The following SMPD3 variants were observed in gnomAD, a reference collection of about 807,000 sequenced individuals.
The protein encoded by SMPD3 is nSMase-2.
Under a neutral mutation model 55.7 loss-of-function variants are expected in SMPD3, and 21 were observed. That is an observed-to-expected ratio of 0.38 (90% confidence interval 0.27 to 0.54). The LOEUF is 0.54. Ranked by LOEUF, SMPD3 falls within the 20% of genes least tolerant of loss-of-function variation. The pLI is 0.80. For missense variants in SMPD3, 842 were observed against 899.6 expected, an observed-to-expected ratio of 0.94 and a Z score of 0.82; for synonymous variants, 457 against 404.3, an observed-to-expected ratio of 1.13 and a Z score of -1.56.
At chr16:68,393,587 A>G (rs1329413534) in intron 1 of SMPD3, among the ~76,000 whole-genome samples, 2 of 152,214 alleles carry the variant, frequency 1.3e-5, no homozygotes, top group African/African-American at 2.4e-5. Flanking sequence ...TTGGATCTTC[A>G]GACCCAGAAC....
At position 68,438,183 on chromosome 16, in the gene SMPD3, C is replaced by T. The variant is rs188422968; in HGVS notation, c.-269+10170G>A. On this transcript the variant is annotated intron_variant, in intron 1 of 8. Transcript: ENST00000219334. Reference sequence around the variant, plus strand: ...CCTCACAGAGAAAGCCTCTCCTAAGCTTTGTGCTTGGGTTTGGGCACTGCA... The same window carrying T: ...CCTCACAGAGAAAGCCTCTCCTAAGTTTTGTGCTTGGGTTTGGGCACTGCA... Among the ~76,000 whole-genome samples, 271 of 152,306 alleles carry T rather than the reference C, an allele frequency of 1.8e-3. 2 individuals are homozygous for T. The highest frequency in any genetic ancestry group is 2.1e-3 in the East Asian group (11 of 5,178).
intron 1 of SMPD3, among the ~76,000 whole-genome samples, chr16:68,412,834 T>C (rs2056054183): frequency 6.6e-6 from 1 of 152,178 alleles, no homozygotes; most frequent in Non-Finnish European, 1.5e-5. Flanking sequence ...CAGGGTAGTG[T>C]ATGGTAGATG....
intron 8 of SMPD3, 55 bp downstream of exon 8, chr16:68,361,548 C>G (rs1597579333): frequency 6.3e-7 from 1 of 1,592,480 alleles, no homozygotes; most frequent in Non-Finnish European, 8.5e-7. Flanking sequence ...AGCTGCAGGG[C>G]CCGGGCCCTG....
chr16:68,400,356 C>T (rs995135992), intron 1 of SMPD3, among the ~76,000 whole-genome samples: 7 of 152,190 alleles, frequency 4.6e-5, no homozygotes, highest in Admixed American at 1.3e-4. Context: ...TAATTTTAAA[C>T]GATAATTATG....
In SMPD3 at chr16:68,358,787, G is replaced by C. The variant is rs535020538; in HGVS notation, c.*2419C>G. The C allele has an allele frequency of 3.9e-5, 6 of 152,588 alleles. No individual in the cohort carries two copies. The highest frequency in any genetic ancestry group is 2.0e-4 in the Admixed American group (3 of 15,306). 9.5% of individuals were successfully genotyped at this position (152,588 alleles called of 1,614,324 possible). On this transcript the variant is annotated 3_prime_UTR_variant, in exon 9 of 9. Transcript: ENST00000219334. ...TCGGGTGACCCGTGTGCCCACCCCT[G>C]CTAGGCCTTAGATGCCACAGAATCT...
At chr16:68,394,590 C>T (rs1020423211) in intron 1 of SMPD3, among the ~76,000 whole-genome samples, 1 of 152,218 alleles carries the variant, frequency 6.6e-6, no homozygotes, top group Admixed American at 6.5e-5. Context: ...CACTGCTGCT[C>T]ATCATTTAGC....
intron 1 of SMPD3, among the ~76,000 whole-genome samples, chr16:68,419,614 T>G (rs1443674544): frequency 1.3e-5 from 2 of 152,204 alleles, no homozygotes; most frequent in Non-Finnish European, 2.9e-5. Context: ...AACCATGTAC[T>G]TCACCTCTAT....
Position 68,361,320 on chromosome 16 carries a change from G to A in SMPD3, c.1867-13C>T, listed in dbSNP as rs770750937. ...ATTCTTCCACCTCCTGGGGTGAGTGGGAGAGGGGAGAAACAGCCTGGTCAG... is the reference window on the plus strand; with the variant it reads ...ATTCTTCCACCTCCTGGGGTGAGTGAGAGAGGGGAGAAACAGCCTGGTCAG... On this transcript the variant is annotated splice_polypyrimidine_tract_variant and intron_variant, in intron 8 of 8. Transcript: ENST00000219334. 1.2e-6 allele frequency: 2 copies of A among 1,603,378 alleles called. No homozygotes were observed. Among genetic ancestry groups the A allele is most frequent in the Admixed American group, 1.7e-5 (1 of 58,832 alleles).
At chr16:68,363,925 TGTGCCCCTGCTTCCCATCA>T in intron 5 of SMPD3, 59 bp from the exon 6 acceptor site, 1 of 1,442,042 alleles carries the variant, frequency 6.9e-7, no homozygotes, top group Non-Finnish European at 9.5e-7. Flanking sequence ...CCACACGGCC[TGTGCCCCTGCTTCCCATCA>T]GTTACTCCCC....
rs544717370 is a variant in SMPD3, at chr16:68,363,748, C to G, written c.1645+29G>C. On this transcript the variant is annotated intron_variant, in intron 6 of 8. Transcript: ENST00000219334. ...AGGGAAGTCTGTGGGGAGCCCAGCT[C>G]CCATCCTCCTCCCCCAGCCCCAGCT... The G allele has an allele frequency of 7.5e-4, 1,160 of 1,546,850 alleles. 19 individuals carry two copies. The South Asian group carries it at 0.013, about 17-fold the overall frequency.
intron 1 of SMPD3, among the ~76,000 whole-genome samples, chr16:68,426,775 C>A (rs2090439126): frequency 1.3e-5 from 2 of 152,168 alleles, no homozygotes; most frequent in African/African-American, 4.8e-5. Flanking sequence ...TTCAGCCTCA[C>A]ACTGGGCTGT....
At chr16:68,398,436 T>C (rs1218575104) in intron 1 of SMPD3, among the ~76,000 whole-genome samples, 4 of 152,192 alleles carry the variant, frequency 2.6e-5, no homozygotes, top group Non-Finnish European at 5.9e-5. Flanking sequence ...TTTACCTTCC[T>C]GACACTACCT....
intron 1 of SMPD3, among the ~76,000 whole-genome samples, chr16:68,402,451 A>T (rs1004543339): frequency 1.3e-5 from 2 of 152,312 alleles, no homozygotes; most frequent in Non-Finnish European, 1.5e-5. Flanking sequence ...AGTCCCACAG[A>T]GCAGGGCCCA....
At chr16:68,379,045 G>C (rs535085350) in intron 2 of SMPD3, among the ~76,000 whole-genome samples, 1 of 152,210 alleles carries the variant, frequency 6.6e-6, no homozygotes, top group East Asian at 1.9e-4. Flanking sequence ...TTGGTTTCTG[G>C]CATTTGCCAC....
At chr16:68,425,838 A>C (rs2090432283) in intron 1 of SMPD3, among the ~76,000 whole-genome samples, 1 of 152,148 alleles carries the variant, frequency 6.6e-6, no homozygotes, top group South Asian at 2.1e-4. Context: ...TGCCACCCAG[A>C]AGGAACAACA....
In SMPD3 at chr16:68,364,898, C is replaced by T. The variant is rs200518296; in HGVS notation, c.1408G>A (p.Ala470Thr). The T allele has an allele frequency of 1.7e-5, 28 of 1,613,654 alleles. No individual in the cohort carries two copies. The highest frequency in any genetic ancestry group is 1.7e-4 in the Middle Eastern group (1 of 6,060). ...AGGTCCAGCTGCCCACACCGGATGG[C>T]GCTGTCCTCTGCAGGGCAGAAGTAC... ...THLHAPQEDS[A>T]IRCGQLDLLQ... The change falls in exon 5 of 9, where the codon GCC becomes ACC. Residue 470 changes from alanine (A) to threonine (T), a missense_variant. Transcript: ENST00000219334.
intron 1 of SMPD3, among the ~76,000 whole-genome samples, chr16:68,430,450 T>C (rs2090470611): frequency 6.6e-6 from 1 of 152,166 alleles, no homozygotes; most frequent in Non-Finnish European, 1.5e-5. Flanking sequence ...TAATTTAGAC[T>C]CCGAGGCTGA....
At chr16:68,422,688 G>A (rs2090405150) in intron 1 of SMPD3, among the ~76,000 whole-genome samples, 1 of 152,168 alleles carries the variant, frequency 6.6e-6, no homozygotes, top group South Asian at 2.1e-4. Flanking sequence ...TGAGATGACT[G>A]CAAATTGCTT....
chr16:68,372,296 T>C lies in SMPD3; in HGVS notation c.-115A>G. 1.5e-6 allele frequency: 2 copies of C among 1,359,366 alleles called. No individual in the cohort carries two copies. Among genetic ancestry groups the C allele is most frequent in the Non-Finnish European group, 2.0e-6 (2 of 989,900 alleles). The allele number at this position is 1,359,366 out of a possible 1,614,324, so 84.2% of individuals were successfully genotyped here. On this transcript the variant is annotated 5_prime_UTR_variant, in exon 3 of 9. Coordinates refer to ENST00000219334, the MANE Select transcript of SMPD3 (RefSeq NM_018667.4). ...GGCAGCTGGAGGAGGGGTCACCTCC[T>C]GGCGAGATGCAACTCCGGCTGGTCA...
Sources: allele counts gnomAD v4.1 joint callset (sites outside exome capture counted in the v4.1 genomes callset), GRCh38; gene constraint gnomAD v4.1.1; transcripts MANE v1.5; gene names NCBI Gene and HGNC (gene_info 2026-07-23, HGNC 2026-07-21).